The following ZNF85 variants were observed in gnomAD, a reference collection of about 807,000 sequenced individuals.
The protein encoded by ZNF85 is zinc finger protein 85.
In ZNF85, 50 loss-of-function variants were observed where a neutral mutation model predicts 53.9. The ratio of observed to expected loss-of-function variants is 0.93; its 90% confidence interval spans 0.74 to 1.17. The LOEUF (loss-of-function observed/expected upper bound fraction) is 1.17. Ranked by LOEUF, ZNF85 falls within the 50% of genes most tolerant of loss-of-function variation. The pLI is 0.00. For missense variants in ZNF85, 747 were observed against 688.5 expected, an observed-to-expected ratio of 1.08 and a Z score of -0.95; for synonymous variants, 225 against 226.1, an observed-to-expected ratio of 1.00 and a Z score of 0.04.
Position 20,949,955 on chromosome 19 carries a change from C to T in ZNF85, c.1441C>T (p.Pro481Ser). 1.2e-6 allele frequency: 2 copies of T among 1,612,546 alleles called. No individual in the cohort carries two copies. Among genetic ancestry groups the T allele is most frequent in the Non-Finnish European group, 8.5e-7 (1 of 1,179,224 alleles). ...RHKKSHTEEKPYKCEECGKGF... is the reference protein window; with the variant it reads ...RHKKSHTEEKSYKCEECGKGF... The stretch of plus-strand genomic sequence containing the variant: ...TAAGAAAAGTCATACAGAAGAGAAA[C>T]CTTACAAATGTGAAGAATGTGGCAA... The change falls in exon 4 of 4, where the codon CCT becomes TCT. Residue 481 changes from proline (P) to serine (S), a missense_variant. Transcript: ENST00000328178.
intron 3 of ZNF85, among the ~76,000 whole-genome samples, chr19:20,937,960 A>T (rs1269265187): frequency 6.6e-6 from 1 of 152,200 alleles, no homozygotes; most frequent in East Asian, 1.9e-4. Context: ...GCCTTCCGAA[A>T]CGGATACTCC....
intron 3 of ZNF85, among the ~76,000 whole-genome samples, chr19:20,945,220 A>G (rs1378612466): frequency 1.3e-5 from 2 of 152,156 alleles, no homozygotes; most frequent in Admixed American, 6.5e-5. Flanking sequence ...TTGTTTTGCA[A>G]CATATCACCA....
chr19:20,939,886 G>A (rs887349401), intron 3 of ZNF85, among the ~76,000 whole-genome samples: 6 of 151,466 alleles, frequency 4.0e-5, no homozygotes, highest in Non-Finnish European at 8.8e-5. Context: ...TAGTAGAGAC[G>A]GGGTTTCTCC....
At chr19:20,932,685 TA>T (rs546456338) in intron 1 of ZNF85, among the ~76,000 whole-genome samples, 2 of 149,650 alleles carry the variant, frequency 1.3e-5, no homozygotes, top group East Asian at 1.9e-4. Context: ...CAGAAAGTTC[TA>T]AAAAAAAAAT....
At chr19:20,943,775 G>C (rs1390436981) in intron 3 of ZNF85, 2 of 151,962 alleles carry the variant, frequency 1.3e-5, no homozygotes, top group Non-Finnish European at 1.5e-5. Context: ...GAGCCCTAAT[G>C]TTGTATATAC....
At position 20,950,584 on chromosome 19, in the gene ZNF85, G is replaced by T. The variant is rs186952347; in HGVS notation, c.*282G>T. 2.8e-3 allele frequency: 767 copies of T among 271,524 alleles called. 3 individuals are homozygous for T. The highest frequency in any genetic ancestry group is 9.8e-3 in the Middle Eastern group (9 of 914). 16.8% of individuals were successfully genotyped at this position (271,524 alleles called of 1,614,324 possible). On this transcript the variant is annotated 3_prime_UTR_variant, in exon 4 of 4. Transcript: ENST00000328178. The stretch of plus-strand genomic sequence containing the variant: ...TGCTCACACCTTACTGCACAGAAAA[G>T]AATTTTTAGTTGAGAAAAAGTATAC...
intron 1 of ZNF85, 107 bp downstream of exon 1, chr19:20,923,510 G>A: frequency 6.4e-7 from 1 of 1,573,976 alleles, no homozygotes; most frequent in South Asian, 1.1e-5. Context: ...TCCACAATCT[G>A]CGCTCCAGTT....
rs376453096 is a variant in ZNF85, at chr19:20,949,538, T to C, written c.1024T>C (p.Tyr342His). The change falls in exon 4 of 4, where the codon TAC becomes CAC. Residue 342 changes from tyrosine (Y) to histidine (H), a missense_variant. Physicochemically the swap from Tyr to His is moderately conservative, Grantham distance 83. Coordinates refer to ENST00000328178, the MANE Select transcript of ZNF85 (RefSeq NM_003429.5). ...GATAATTCATACTGGAGAGAAACCC[T>C]ACAAATGTAAAAAATGTGGAAAAGC... Reference protein sequence around the residue: ...HKIIHTGEKPYKCKKCGKAFN... With the variant: ...HKIIHTGEKPHKCKKCGKAFN... 4 of 1,613,012 alleles carry C rather than the reference T, an allele frequency of 2.5e-6. No homozygotes were observed. Among genetic ancestry groups the C allele is most frequent in the African/African-American group, 1.3e-5 (1 of 74,854 alleles).
At chr19:20,947,098 G>T (rs1319144056) in intron 3 of ZNF85, among the ~76,000 whole-genome samples, 2 of 150,992 alleles carry the variant, frequency 1.3e-5, no homozygotes, top group African/African-American at 4.9e-5. Context: ...TCTCTATACA[G>T]ATTTTTTTGT....
Position 20,950,123 on chromosome 19 carries a change from C to T in ZNF85, c.1609C>T (p.Pro537Ser). 1 of 1,613,598 alleles carries T rather than the reference C, an allele frequency of 6.2e-7. No homozygotes were observed. Among genetic ancestry groups the T allele is most frequent in the Non-Finnish European group, 8.5e-7 (1 of 1,179,870 alleles). The change falls in exon 4 of 4, where the codon CCC becomes TCC. Residue 537 changes from proline (P) to serine (S), a missense_variant. Pro to Ser is a moderately conservative substitution (Grantham distance 74). Transcript: ENST00000328178. ...TAAGAAAATTCATACTGGAGAGAAA[C>T]CCTACACATGTGAAGAATGTGGCAA... is the stretch of plus-strand genomic sequence containing the variant. ...KHKKIHTGEK[P>S]YTCEECGKAF...
At chr19:20,945,242 T>C (rs1973392071) in intron 3 of ZNF85, among the ~76,000 whole-genome samples, 1 of 152,228 alleles carries the variant, frequency 6.6e-6, no homozygotes, top group Admixed American at 6.5e-5. Context: ...AATGTTTTTA[T>C]CTTGCAAAGC....
At position 20,948,984 on chromosome 19, in the gene ZNF85, A is replaced by G; in HGVS notation, c.470A>G (p.Lys157Arg). Residue 157 changes from lysine to arginine, a missense_variant, in exon 4 of 4, where the codon AAA becomes AGA. Lys to Arg is a conservative substitution (Grantham distance 26, BLOSUM62 2). Transcript: ENST00000328178. ...QCDKYVKVAH[K>R]FSNSNRHEIR... ...GATAAATATGTAAAAGTCGCTCATA[A>G]ATTTTCAAATTCAAACAGACATGAG... The G allele has an allele frequency of 6.2e-7, 1 of 1,613,596 alleles. No individual in the cohort carries two copies. Among genetic ancestry groups the G allele is most frequent in the Non-Finnish European group, 8.5e-7 (1 of 1,179,744 alleles).
At chr19:20,938,884 ATGTGTG>A (rs1353951784) in intron 3 of ZNF85, among the ~76,000 whole-genome samples, 1 of 144,632 alleles carries the variant, frequency 6.9e-6, no homozygotes, top group Middle Eastern at 3.4e-3. Context: ...GTGTATATAT[ATGTGTG>A]TGTGTGTGTG....
Position 20,949,379 on chromosome 19 carries a change from A to G in ZNF85, c.865A>G (p.Lys289Glu), listed in dbSNP as rs775582693. ...IHTGEKPYKC[K>E]ECGKAFNRSS... Reference sequence around the variant, plus strand: ...TACTGGAGAGAAACCCTACAAATGTAAAGAATGTGGTAAAGCTTTTAACCG... The same window carrying G: ...TACTGGAGAGAAACCCTACAAATGTGAAGAATGTGGTAAAGCTTTTAACCG... Residue 289 changes from lysine to glutamate, a missense_variant, in exon 4 of 4, where the codon AAA (lysine) becomes GAA (glutamate). Lys to Glu is a moderately conservative substitution (Grantham distance 56). Transcript: ENST00000328178. 25 of 1,608,828 alleles carry G rather than the reference A, an allele frequency of 1.6e-5. No individual in the cohort carries two copies. Among genetic ancestry groups the G allele is most frequent in the Non-Finnish European group, 2.1e-5 (25 of 1,176,776 alleles).
chr19:20,940,518 C>T (rs1009801650), intron 3 of ZNF85, among the ~76,000 whole-genome samples: 8 of 149,008 alleles, frequency 5.4e-5, no homozygotes, highest in East Asian at 4.0e-4. Context: ...GTTTAGGTGA[C>T]GAAGTGAGAC....
At position 20,950,130 on chromosome 19, in the gene ZNF85, CAT is replaced by C. The variant is rs745640042; in HGVS notation, c.1617_1618del (p.Cys540Ter). ...ATTCATACTGGAGAGAAACCCTACA[CAT>C]GTGAAGAATGTGGCAAAGCCTTTAA... On this transcript the variant is annotated frameshift_variant, in exon 4 of 4. Transcript: ENST00000328178. LOFTEE classifies it high-confidence loss of function. 259 of 1,610,432 alleles carry C rather than the reference CAT, an allele frequency of 1.6e-4. 2 individuals are homozygous for C. The Middle Eastern group carries it at 2.6e-3, about 16-fold the overall frequency.
chr19:20,942,387 C>T (rs1426055502), intron 3 of ZNF85, among the ~76,000 whole-genome samples: 1 of 152,078 alleles, frequency 6.6e-6, no homozygotes, highest in Non-Finnish European at 1.5e-5. Flanking sequence ...CATGATCCAC[C>T]TGCCTTGGCC....
chr19:20,926,296 G>A (rs960207874), intron 1 of ZNF85, among the ~76,000 whole-genome samples: 2 of 152,094 alleles, frequency 1.3e-5, no homozygotes, highest in African/African-American at 4.8e-5. Flanking sequence ...TAAATTTTAT[G>A]AGATGAAACT....
At chr19:20,936,218 T>C (rs1236211553) in intron 3 of ZNF85, among the ~76,000 whole-genome samples, 1 of 152,238 alleles carries the variant, frequency 6.6e-6, no homozygotes, top group African/African-American at 2.4e-5. Flanking sequence ...CATGGTTTTC[T>C]ATATATAAGA....
Sources: allele counts gnomAD v4.1 joint callset (sites outside exome capture counted in the v4.1 genomes callset), GRCh38; gene constraint gnomAD v4.1.1; transcripts MANE v1.5; gene names NCBI Gene and HGNC (gene_info 2026-07-23, HGNC 2026-07-21).